PRICKLE2: variants seen among roughly 807,000 people sequenced by gnomAD.
The protein encoded by PRICKLE2 is prickle planar cell polarity protein 2.
A neutral mutation model predicts 81.4 loss-of-function variants in PRICKLE2; 21 were observed. That is an observed-to-expected ratio of 0.26 (90% CI 0.18 to 0.37). The LOEUF is 0.37. Ranked by LOEUF, PRICKLE2 falls within the 10% of genes least tolerant of loss-of-function variation. The pLI is 1.00. For missense variants in PRICKLE2, 940 were observed against 1,109.0 expected, an observed-to-expected ratio of 0.85 and a Z score of 2.16; for synonymous variants, 456 against 421.5, an observed-to-expected ratio of 1.08 and a Z score of -1.00.
At chr3:64,250,174 C>T (rs150625813) in intron 2 of PRICKLE2, among the ~76,000 whole-genome samples, 13 of 152,316 alleles carry the variant, frequency 8.5e-5, no homozygotes, top group Admixed American at 5.2e-4. Flanking sequence ...ACTTGCTCTC[C>T]TGTGGAACAA....
chr3:64,223,905 A>G (rs1402572587), intron 1 of PRICKLE2, among the ~76,000 whole-genome samples: 1 of 152,170 alleles, frequency 6.6e-6, no homozygotes, highest in Non-Finnish European at 1.5e-5. Context: ...ATGGTTTAAA[A>G]CACTCTTTGG....
intron 2 of PRICKLE2, among the ~76,000 whole-genome samples, chr3:64,187,230 T>TGAA (rs2078251012): frequency 6.6e-6 from 1 of 152,196 alleles, no homozygotes; most frequent in African/African-American, 2.4e-5. Context: ...ACAAGTTTAT[T>TGAA]AACAGGCAGT....
intron 1 of PRICKLE2, among the ~76,000 whole-genome samples, chr3:64,224,262 T>C (rs746319455): frequency 6.6e-5 from 10 of 152,172 alleles, no homozygotes; most frequent in Non-Finnish European, 1.3e-4. Context: ...CTGTATTTCA[T>C]TGCAAGACCC....
chr3:64,226,564 A>G (rs892094406), upstream of PRICKLE2, among the ~76,000 whole-genome samples: 12 of 152,366 alleles, frequency 7.9e-5, no homozygotes, highest in Middle Eastern at 3.4e-3. Flanking sequence ...CTTATGGGCT[A>G]CTGCAATTAA....
chr3:64,184,669 G>A (rs757939536), intron 2 of PRICKLE2, among the ~76,000 whole-genome samples: 7 of 152,010 alleles, frequency 4.6e-5, no homozygotes, highest in Non-Finnish European at 8.8e-5. Flanking sequence ...ATGGAATCTC[G>A]CTATGCTGCC....
intron 2 of PRICKLE2, among the ~76,000 whole-genome samples, chr3:64,185,634 T>A (rs2078214876): frequency 6.6e-6 from 1 of 152,186 alleles, no homozygotes; most frequent in South Asian, 2.1e-4. Flanking sequence ...ACTGAGCAGT[T>A]CTTTCTGACA....
intron 7 of PRICKLE2, among the ~76,000 whole-genome samples, chr3:64,122,689 C>T (rs749728166): frequency 1.3e-5 from 2 of 152,122 alleles, no homozygotes; most frequent in Admixed American, 6.5e-5. Context: ...GCCAAAGCCC[C>T]GGGCCACTGT....
At chr3:64,122,702 G>C (rs1322760056) in intron 7 of PRICKLE2, among the ~76,000 whole-genome samples, 9 of 152,168 alleles carry the variant, frequency 5.9e-5, no homozygotes, top group Admixed American at 4.6e-4. Flanking sequence ...GCCACTGTCA[G>C]ACGCAGGCTT....
chr3:64,245,494 A>C (rs1409111569), intron 2 of PRICKLE2, among the ~76,000 whole-genome samples: 1 of 152,192 alleles, frequency 6.6e-6, no homozygotes, highest in Admixed American at 6.5e-5. Context: ...GTTTGGAATC[A>C]GTGTCCGCCC....
At chr3:64,229,616 G>C (rs1206891475), upstream of PRICKLE2, among the ~76,000 whole-genome samples, 2 of 152,176 alleles carry the variant, frequency 1.3e-5, no homozygotes, top group East Asian at 3.9e-4. Context: ...TAAAAAGACA[G>C]ACATCACTCA....
chr3:64,095,644 A>C lies in PRICKLE2; in HGVS notation c.*3407T>G, dbSNP rs1244778890. 1.3e-5 allele frequency: 2 copies of C among 152,266 alleles called. No homozygotes were observed. Among genetic ancestry groups the C allele is most frequent in the African/African-American group, 4.8e-5 (2 of 41,460 alleles). 9.4% of individuals were successfully genotyped at this position (152,266 alleles called of 1,614,324 possible). ...GCAGAAAGCTGCTGCAGAAGGAAGA[A>C]AACATAATCTTGTTATAGTGCAGGA... On this transcript the variant is annotated 3_prime_UTR_variant, in exon 8 of 8. Coordinates refer to ENST00000638394, the MANE Select transcript of PRICKLE2 (RefSeq NM_198859.4).
intron 2 of PRICKLE2, among the ~76,000 whole-genome samples, chr3:64,261,648 C>A (rs1336730222): frequency 3.3e-5 from 5 of 152,074 alleles, no homozygotes; most frequent in South Asian, 2.1e-4. Flanking sequence ...AGGCAAAGAT[C>A]TATGGGAAGA....
intron 4 of PRICKLE2, among the ~76,000 whole-genome samples, chr3:64,157,760 G>T (rs986464506): frequency 3.3e-5 from 5 of 152,174 alleles, no homozygotes; most frequent in Admixed American, 3.3e-4. Context: ...GGAGTGGCTG[G>T]GGAGGGAGGT....
chr3:64,120,972 C>T (rs1308329422), intron 7 of PRICKLE2, among the ~76,000 whole-genome samples: 1 of 152,192 alleles, frequency 6.6e-6, no homozygotes, highest in Non-Finnish European at 1.5e-5. Context: ...GCATAAAGAC[C>T]TTGAACAGGG....
intron 2 of PRICKLE2, among the ~76,000 whole-genome samples, chr3:64,175,665 T>C (rs1575621081): frequency 6.6e-6 from 1 of 152,214 alleles, no homozygotes; most frequent in Non-Finnish European, 1.5e-5. Flanking sequence ...ACTGGTATAA[T>C]TGATTATACA....
intron 2 of PRICKLE2, among the ~76,000 whole-genome samples, chr3:64,247,070 C>G (rs748078012): frequency 3.3e-5 from 5 of 152,160 alleles, no homozygotes; most frequent in Non-Finnish European, 5.9e-5. Flanking sequence ...GAAACCAAAA[C>G]AGGTCATGTG....
intron 2 of PRICKLE2, among the ~76,000 whole-genome samples, chr3:64,231,957 A>G (rs925974509): frequency 6.6e-6 from 1 of 152,176 alleles, no homozygotes; most frequent in Non-Finnish European, 1.5e-5. Flanking sequence ...AAACGAAAAC[A>G]AAAACAAAAA....
intron 2 of PRICKLE2, among the ~76,000 whole-genome samples, chr3:64,248,900 A>C (rs1214095956): frequency 6.6e-6 from 1 of 152,216 alleles, no homozygotes; most frequent in Non-Finnish European, 1.5e-5. Flanking sequence ...CTTAAGGGAA[A>C]TTCTTTTTAA....
chr3:64,258,721 G>T (rs2079563962), intron 2 of PRICKLE2, among the ~76,000 whole-genome samples: 1 of 150,936 alleles, frequency 6.6e-6, no homozygotes, highest in South Asian at 2.1e-4. Flanking sequence ...CCACTGGGGA[G>T]GCTGACGCAG....
Sources: gnomAD v4.1 joint callset for allele counts (sites outside exome capture counted in the v4.1 genomes callset) on GRCh38, gnomAD v4.1.1 for gene constraint, MANE v1.5 for transcripts, NCBI Gene and HGNC (gene_info 2026-07-23, HGNC 2026-07-21) for gene names.